Variants in HDAC5 observed in about 807,000 individuals in gnomAD.
HDAC5 encodes histone deacetylase 5.
In HDAC5, 25 loss-of-function variants were observed where a neutral mutation model predicts 133.3. The observed-to-expected ratio is 0.19, with a 90% CI of 0.14 to 0.26. The LOEUF (loss-of-function observed/expected upper bound fraction) is 0.26. Among genes scored for constraint, HDAC5 ranks in the 10% least tolerant of loss-of-function variants. The pLI, the probability that HDAC5 is intolerant of heterozygous loss-of-function variation, is 1.00. For synonymous variants in HDAC5, 589 were observed against 610.8 expected (o/e 0.96, Z 0.53); for missense variants, 1,041 against 1,460.5 (o/e 0.71, Z 4.68).
In HDAC5 at chr17:44,107,181, G is replaced by A. The variant is rs192451969; in HGVS notation, c.94+3548C>T. On this transcript the variant is annotated intron_variant, in intron 3 of 26. Coordinates refer to ENST00000682912, the MANE Select transcript of HDAC5 (RefSeq NM_005474.5). ...TGCGCAGGCTGGTCTCAAACTCCTG[G>A]CCTGAAGTGATCTTCCTCCCTCAGG... Among the ~76,000 whole-genome samples the A allele has an allele frequency of 1.1e-3, 172 of 152,154 alleles. 1 individual carries two copies. The highest frequency in any genetic ancestry group is 3.9e-3 in the African/African-American group (162 of 41,508).
At chr17:44,112,691 C>T (rs1232893542) in intron 2 of HDAC5, among the ~76,000 whole-genome samples, 1 of 152,176 alleles carries the variant, frequency 6.6e-6, no homozygotes, top group Non-Finnish European at 1.5e-5. Context: ...AAAGGGGTCT[C>T]CTGCCCTCAG....
intron 3 of HDAC5, among the ~76,000 whole-genome samples, chr17:44,094,351 G>C (rs552978606): frequency 2.7e-5 from 4 of 150,852 alleles, no homozygotes; most frequent in South Asian, 2.1e-4. Context: ...AAACAAAAAG[G>C]GGGAGGCCGG....
At chr17:44,091,883 C>G in intron 9 of HDAC5, 52 bp from the exon 10 acceptor site, 1 of 1,506,074 alleles carries the variant, frequency 6.6e-7, no homozygotes, top group Non-Finnish European at 8.9e-7. Context: ...GGGGAGGCAA[C>G]AAGGGAGGGC....
At chr17:44,092,936 G>A in intron 6 of HDAC5, 130 bp from the exon 7 acceptor site, 1 of 656,574 alleles carries the variant, frequency 1.5e-6, no homozygotes, top group Non-Finnish European at 2.6e-6. Context: ...TCTTGGGGAA[G>A]GAATGAGGAA....
rs182635051 is a variant in HDAC5, at chr17:44,115,573, G to T, written c.22+1921C>A. On this transcript the variant is annotated intron_variant, in intron 2 of 26. Transcript: ENST00000682912. Reference sequence around the variant, plus strand: ...CCCCTCAGAAAGGAAGAGCTGGGGGGAGGCTGACTATCTCCCTGGCCCAGG... The same window carrying T: ...CCCCTCAGAAAGGAAGAGCTGGGGGTAGGCTGACTATCTCCCTGGCCCAGG... 4.3e-3 allele frequency among the ~76,000 whole-genome samples: 659 copies of T among 152,310 alleles called. 3 individuals are homozygous for T. The highest frequency in any genetic ancestry group is 6.5e-3 in the Non-Finnish European group (439 of 68,020).
chr17:44,081,882 A>C (rs180781428), intron 20 of HDAC5: 3 of 152,306 alleles, frequency 2.0e-5, no homozygotes, highest in Admixed American at 2.0e-4. Flanking sequence ...GTGCCCAACC[A>C]CAAGCACGTA....
Position 44,117,609 on chromosome 17 carries a change from A to C in HDAC5, c.-94T>G. Reference sequence around the variant, plus strand: ...TCAAGAGAGACAGACGATAACAGACAGACGGACGGGACGGGAGCCCGGGGC... The same window carrying C: ...TCAAGAGAGACAGACGATAACAGACCGACGGACGGGACGGGAGCCCGGGGC... On this transcript the variant is annotated 5_prime_UTR_variant, in exon 2 of 27. Transcript: ENST00000682912. This position sits in a 1 kb window ranked among gnomAD's most constrained non-coding sequence, Gnocchi z 4.2. 1.4e-6 allele frequency: 2 copies of C among 1,470,482 alleles called. No individual in the cohort carries two copies. The highest frequency in any genetic ancestry group is 1.9e-6 in the Non-Finnish European group (2 of 1,060,024). The allele number at this position is 1,470,482 out of a possible 1,614,324, so 91.1% of individuals were successfully genotyped here. A position where few individuals can be genotyped will look rare whatever the true frequency, so the allele number is the denominator to read the frequency against.
Position 44,092,819 on chromosome 17 carries a change from GGGGGTGGGGAT to G in HDAC5, c.642-24_642-14del. ...ATGGTGGGCTCCCCTGGGGTGGGGG[GGGGGTGGGGAT>G]GGAAGCAGATCTAGGTTATCACCCA... On this transcript the variant is annotated splice_polypyrimidine_tract_variant and intron_variant, in intron 6 of 26. Coordinates refer to ENST00000682912, the MANE Select transcript of HDAC5 (RefSeq NM_005474.5). The G allele has an allele frequency of 1.2e-6, 1 of 848,832 alleles. No homozygotes were observed. Among genetic ancestry groups the G allele is most frequent in the Non-Finnish European group, 1.8e-6 (1 of 553,090 alleles). 52.6% of individuals were successfully genotyped at this position (848,832 alleles called of 1,614,324 possible).
intron 3 of HDAC5, among the ~76,000 whole-genome samples, chr17:44,107,534 G>A (rs1240838266): frequency 6.6e-6 from 1 of 150,726 alleles, no homozygotes; most frequent in Non-Finnish European, 1.5e-5. Context: ...CTTGAACCCA[G>A]GAGGTGGAGG....
Position 44,078,070 on chromosome 17 carries a change from C to T in HDAC5, c.*306G>A. On this transcript the variant is annotated 3_prime_UTR_variant, in exon 27 of 27. Transcript: ENST00000682912. ...CAGAACTGGAGAGTACTGTCTGGGC[C>T]CCCGTGCCCACCTTGAGCTGGCCCA... 1 of 306,002 alleles carries T rather than the reference C, an allele frequency of 3.3e-6. No homozygotes were observed. Among genetic ancestry groups the T allele is most frequent in the Non-Finnish European group, 6.0e-6 (1 of 165,920 alleles). The allele number at this position is 306,002 out of a possible 1,614,324, so 19.0% of individuals were successfully genotyped here. A position where few individuals can be genotyped will look rare whatever the true frequency, so the allele number is the denominator to read the frequency against.
chr17:44,104,181 C>G (rs1373453563), intron 3 of HDAC5, among the ~76,000 whole-genome samples: 1 of 151,802 alleles, frequency 6.6e-6, no homozygotes, highest in African/African-American at 2.4e-5. Flanking sequence ...ATTACCCAGG[C>G]ATGGTCTCAC....
At chr17:44,091,979 C>T (rs1293236132) in intron 9 of HDAC5, 148 bp from the exon 10 acceptor site, 13 of 1,044,538 alleles carry the variant, frequency 1.2e-5, no homozygotes, top group Non-Finnish European at 1.6e-5. Context: ...GCCATCAGGG[C>T]TCTTCATAGT....
Position 44,088,699 on chromosome 17 carries a change from C to A in HDAC5, c.1388-101G>T, listed in dbSNP as rs1567992849. On this transcript the variant is annotated intron_variant, in intron 11 of 26. Coordinates refer to ENST00000682912, the MANE Select transcript of HDAC5 (RefSeq NM_005474.5). ...CCCCACAACCCCCTCTGGCATATCA[C>A]CACCTATATACTCAGGAAAAACCCT... 4.0e-6 allele frequency: 6 copies of A among 1,486,080 alleles called. No individual in the cohort carries two copies. The East Asian group carries it at 1.2e-4, about 30-fold the overall frequency. 92.1% of individuals were successfully genotyped at this position (1,486,080 alleles called of 1,614,324 possible).
Position 44,117,615 on chromosome 17 carries a change from A to T in HDAC5, c.-100T>A. The T allele has an allele frequency of 7.0e-7, 1 of 1,430,710 alleles. No homozygotes were observed. The highest frequency in any genetic ancestry group is 9.7e-7 in the Non-Finnish European group (1 of 1,025,796). 88.6% of individuals were successfully genotyped at this position (1,430,710 alleles called of 1,614,324 possible). On this transcript the variant is annotated 5_prime_UTR_variant, in exon 2 of 27. Transcript: ENST00000682912. The surrounding 1 kb of genome is among the most constrained non-coding windows in gnomAD (Gnocchi z 4.2). ...GAGACAGACGATAACAGACAGACGG[A>T]CGGGACGGGAGCCCGGGGCCGCCGT...
intron 6 of HDAC5, 53 bp downstream of exon 6, chr17:44,093,039 G>T: frequency 7.5e-7 from 1 of 1,331,816 alleles, no homozygotes; most frequent in Non-Finnish European, 1.0e-6. Flanking sequence ...CTATAGCCAG[G>T]CAGCCCCTGA....
intron 15 of HDAC5, 70 bp downstream of exon 15, chr17:44,084,952 G>C (rs942069289): frequency 2.0e-6 from 3 of 1,527,212 alleles, no homozygotes; most frequent in Non-Finnish European, 2.7e-6. Context: ...AGCATGAAGA[G>C]AGGCTTATCT....
intron 3 of HDAC5, among the ~76,000 whole-genome samples, chr17:44,098,513 CG>C (rs1325913069): frequency 6.6e-6 from 1 of 151,174 alleles, no homozygotes; most frequent in Non-Finnish European, 1.5e-5. Context: ...CTGAGGCGGG[CG>C]GATCACCTGA....
chr17:44,091,542 G>A (rs199972425), intron 10 of HDAC5, 50 bp from the exon 11 acceptor site: 4 of 1,510,806 alleles, frequency 2.6e-6, no homozygotes, highest in African/African-American at 2.8e-5. Context: ...GCCAACTTTG[G>A]ACTAGCATCC....
intron 16 of HDAC5, 58 bp downstream of exon 16, chr17:44,084,497 G>A (rs1255307239): frequency 6.2e-7 from 1 of 1,602,356 alleles, no homozygotes; most frequent in Non-Finnish European, 8.5e-7. Flanking sequence ...CTTCCTGAGA[G>A]CCCCCATCCC....
Sources: allele counts gnomAD v4.1 joint callset (sites outside exome capture counted in the v4.1 genomes callset), GRCh38; gene constraint gnomAD v4.1.1; non-coding constraint Gnocchi (gnomAD v3.1); transcripts MANE v1.5; gene names NCBI Gene and HGNC (gene_info 2026-07-23, HGNC 2026-07-21).